Variants in TMC7 observed in about 807,000 individuals in gnomAD.
The protein encoded by TMC7 is transmembrane channel-like protein 7.
TMC7 carries 54 observed loss-of-function variants against 82.9 expected under a neutral mutation model. The observed-to-expected ratio is 0.65, with a 90% CI of 0.52 to 0.82. TMC7 has a LOEUF of 0.82. TMC7 is among the 40% of genes least tolerant of loss of function. The pLI is 0.00. For missense variants in TMC7, 820 were observed against 901.2 expected (o/e 0.91, Z 1.15); for synonymous variants, 350 against 337.9 (o/e 1.04, Z -0.39).
intron 2 of TMC7, among the ~76,000 whole-genome samples, chr16:19,014,918 ATAT>A (rs1337213274): frequency 6.6e-6 from 1 of 151,880 alleles, no homozygotes; most frequent in African/African-American, 2.4e-5. Flanking sequence ...GTGTCACAAA[ATAT>A]TATTTTTCTT....
chr16:19,037,890 A>C lies in TMC7; in HGVS notation c.1022A>C (p.Glu341Ala), dbSNP rs1960829275. 6.2e-7 allele frequency: 1 copy of C among 1,613,464 alleles called. No homozygotes were observed. Among genetic ancestry groups the C allele is most frequent in the African/African-American group, 1.3e-5 (1 of 75,038 alleles). Residue 341 changes from glutamate to alanine, a missense_variant, in exon 8 of 16, where the codon GAA (glutamate) becomes GCA (alanine). Around this residue, in one of 2 missense-constraint regions of TMC7, gnomAD observed 650 missense variants for 669.9 expected, o/e 0.97. Transcript: ENST00000304381. ...RYELRADLEEERMRQKIAERT... is the reference protein window; with the variant it reads ...RYELRADLEEARMRQKIAERT... ...TATCTTCAGGCAGATCTGGAGGAAG[A>C]AAGAATGCGGCAGAAAATAGCAGAA...
intron 1 of TMC7, among the ~76,000 whole-genome samples, chr16:18,999,023 A>G (rs1407619062): frequency 1.3e-5 from 2 of 152,156 alleles, no homozygotes; most frequent in Non-Finnish European, 2.9e-5. Context: ...GGCTGCTGTG[A>G]TTGAGGCCCC....
intron 5 of TMC7, among the ~76,000 whole-genome samples, chr16:19,028,537 T>G (rs990504612): frequency 1.3e-5 from 2 of 152,188 alleles, no homozygotes; most frequent in African/African-American, 4.8e-5. Context: ...GGAAGCCAGC[T>G]AGGATTCTAA....
chr16:19,054,101 C>T (rs1961662163), intron 13 of TMC7, among the ~76,000 whole-genome samples: 1 of 152,006 alleles, frequency 6.6e-6, no homozygotes, highest in African/African-American at 2.4e-5. Flanking sequence ...TATTTTTATC[C>T]CTACATAAAG....
intron 1 of TMC7, among the ~76,000 whole-genome samples, chr16:19,008,545 A>G (rs994112358): frequency 2.6e-5 from 4 of 152,152 alleles, no homozygotes; most frequent in African/African-American, 9.7e-5. Flanking sequence ...GCTGGGCTCC[A>G]GAGACAAGCA....
At chr16:19,046,074 C>T (rs772544267) in intron 11 of TMC7, among the ~76,000 whole-genome samples, 4 of 152,096 alleles carry the variant, frequency 2.6e-5, no homozygotes, top group Non-Finnish European at 4.4e-5. Context: ...CCTCAGCATT[C>T]ATTAGTTGCC....
At chr16:19,032,680 G>A (rs945752124) in intron 6 of TMC7, among the ~76,000 whole-genome samples, 1 of 151,952 alleles carries the variant, frequency 6.6e-6, no homozygotes, top group South Asian at 2.1e-4. Context: ...TAGGCTGGAG[G>A]GCAGTGGCAT....
chr16:19,007,093 G>A (rs895979385), intron 1 of TMC7, among the ~76,000 whole-genome samples: 1 of 151,918 alleles, frequency 6.6e-6, no homozygotes, highest in African/African-American at 2.4e-5. Context: ...CCAAAATGCT[G>A]GGATTACAGG....
intron 12 of TMC7, among the ~76,000 whole-genome samples, chr16:19,050,455 C>T (rs868025028): frequency 6.7e-6 from 1 of 149,542 alleles, no homozygotes; most frequent in Non-Finnish European, 1.5e-5. Context: ...CTACCATTTT[C>T]ACAGTGCCAC....
intron 1 of TMC7, among the ~76,000 whole-genome samples, chr16:19,004,689 A>G (rs1267319346): frequency 2.6e-5 from 4 of 152,128 alleles, no homozygotes; most frequent in African/African-American, 9.7e-5. Flanking sequence ...ACATTTACAA[A>G]CACTTTTAAA....
At chr16:19,027,872 C>T (rs1960308520) in intron 5 of TMC7, among the ~76,000 whole-genome samples, 1 of 152,140 alleles carries the variant, frequency 6.6e-6, no homozygotes, top group South Asian at 2.1e-4. Context: ...GACACACACA[C>T]ACACACAAGA....
intron 13 of TMC7, 63 bp from the exon 14 acceptor site, chr16:19,056,479 G>A: frequency 6.4e-7 from 1 of 1,554,870 alleles, no homozygotes; most frequent in Non-Finnish European, 8.7e-7. Context: ...TGGGTGTACA[G>A]GGGCGGGACA....
intron 5 of TMC7, among the ~76,000 whole-genome samples, chr16:19,028,574 A>C (rs1184853377): frequency 2.0e-5 from 3 of 152,118 alleles, no homozygotes; most frequent in Non-Finnish European, 2.9e-5. Context: ...TCTGTAAATC[A>C]ATTTGAGGAA....
Position 19,062,789 on chromosome 16 carries a change from C to A in TMC7, c.*946C>A, listed in dbSNP as rs573030506. The A allele has an allele frequency of 2.6e-5, 4 of 152,730 alleles. No individual in the cohort carries two copies. The South Asian group carries it at 6.2e-4, about 24-fold the overall frequency. The allele number at this position is 152,730 out of a possible 1,614,324, so 9.5% of individuals were successfully genotyped here. On this transcript the variant is annotated 3_prime_UTR_variant, in exon 16 of 16. Coordinates refer to ENST00000304381, the MANE Select transcript of TMC7 (RefSeq NM_024847.4). Reference sequence around the variant, plus strand: ...ATGTAATCAGTTTTCATTTTAATATCTTTGAAATCTTTTTCAAAGGACTGT... The same window carrying A: ...ATGTAATCAGTTTTCATTTTAATATATTTGAAATCTTTTTCAAAGGACTGT...
intron 1 of TMC7, among the ~76,000 whole-genome samples, chr16:18,990,658 A>G (rs748997277): frequency 6.6e-6 from 1 of 152,186 alleles, no homozygotes; most frequent in African/African-American, 2.4e-5. Context: ...GTTGGTTCTT[A>G]TAGGTTTTGG....
chr16:19,033,537 A>G (rs72777467), intron 6 of TMC7: 7,977 of 152,186 alleles, frequency 0.052, 331 homozygotes, highest in Non-Finnish European at 0.078. Context: ...ACAAATAATT[A>G]GCTAGGTGTG....
intron 1 of TMC7, among the ~76,000 whole-genome samples, chr16:18,991,961 G>A (rs1328133911): frequency 6.6e-6 from 1 of 152,098 alleles, no homozygotes; most frequent in Non-Finnish European, 1.5e-5. Context: ...ATTCCATGGT[G>A]TATATGTGCC....
chr16:19,046,246 A>G (rs992973349), intron 11 of TMC7, among the ~76,000 whole-genome samples: 12 of 152,166 alleles, frequency 7.9e-5, no homozygotes, highest in Non-Finnish European at 1.3e-4. Flanking sequence ...CTTGCTAGTC[A>G]TGTGACCTTG....
At chr16:19,007,688 T>TA (rs1309286789) in intron 1 of TMC7, among the ~76,000 whole-genome samples, 2 of 150,178 alleles carry the variant, frequency 1.3e-5, no homozygotes, top group African/African-American at 4.9e-5. Flanking sequence ...AAAAAATAAA[T>TA]AAATAAAATA....
Sources: allele counts gnomAD v4.1 joint callset (sites outside exome capture counted in the v4.1 genomes callset), GRCh38; gene constraint gnomAD v4.1.1; regional missense constraint gnomAD v4.1.1; transcripts MANE v1.5; gene names NCBI Gene and HGNC (gene_info 2026-07-23, HGNC 2026-07-21).